The following ZBTB37 variants were observed in gnomAD, a reference collection of about 807,000 sequenced individuals.
The protein encoded by ZBTB37 is zinc finger and BTB domain-containing protein 37.
A neutral mutation model predicts 37.7 loss-of-function variants in ZBTB37; 15 were observed. The ratio of observed to expected loss-of-function variants is 0.40; its 90% CI spans 0.27 to 0.61. The LOEUF is 0.61. Ranked by LOEUF, ZBTB37 falls within the 20% of genes least tolerant of loss-of-function variation. The probability of loss-of-function intolerance (pLI) is 0.44; values close to 1 mark genes in which losing one functional copy is unlikely to be tolerated. For missense variants in ZBTB37, 514 were observed against 641.9 expected (o/e 0.80, Z 2.15); for synonymous variants, 231 against 220.6 (o/e 1.05, Z -0.42).
At chr1:173,870,984 G>C (rs1349261321) in exon 3 of ZBTB37, 1 of 1,614,108 alleles carries the variant, frequency 6.2e-7, no homozygotes, top group African/African-American at 1.3e-5. Context: ...TGGAGGAGTG[G>C]CTTGGGCCTG....
intron 4 of ZBTB37, among the ~76,000 whole-genome samples, chr1:173,878,009 A>G (rs888765336): frequency 2.6e-5 from 4 of 152,224 alleles, no homozygotes; most frequent in African/African-American, 7.2e-5. Context: ...TTTTAACCCA[A>G]CTTTTCCCAC....
At chr1:173,871,321 C>T in intron 3 of ZBTB37, among the ~76,000 whole-genome samples, 173 bp downstream of exon 3, 1 of 152,256 alleles carries the variant, frequency 6.6e-6, no homozygotes, top group Non-Finnish European at 1.5e-5. Context: ...TTTTTTAAAC[C>T]AGGAAGCTCC....
exon 5 of ZBTB37, chr1:173,886,420 G>T: frequency 2.8e-6 from 1 of 361,650 alleles, no homozygotes; most frequent in Non-Finnish European, 5.1e-6. Flanking sequence ...ACAAAACGAT[G>T]ATGATAAATG....
At chr1:173,882,241 T>C (rs1470397993) in intron 4 of ZBTB37, among the ~76,000 whole-genome samples, 3 of 132,188 alleles carry the variant, frequency 2.3e-5, no homozygotes, top group Admixed American at 1.5e-4. Context: ...TAGTTTCTTT[T>C]TTTTTTTTTT....
At chr1:173,878,934 CA>C (rs1463323070) in intron 4 of ZBTB37, among the ~76,000 whole-genome samples, 13 of 151,776 alleles carry the variant, frequency 8.6e-5, no homozygotes, top group African/African-American at 3.1e-4. Flanking sequence ...AATAAAAATA[CA>C]AAAACATTAG....
intron 4 of ZBTB37, among the ~76,000 whole-genome samples, chr1:173,885,163 A>C (rs1656554821): frequency 6.6e-6 from 1 of 152,168 alleles, no homozygotes; most frequent in Admixed American, 6.5e-5. Context: ...GATCCTGAGG[A>C]GGTCTAGGCT....
chr1:173,881,977 C>A (rs1046871182), intron 4 of ZBTB37, among the ~76,000 whole-genome samples: 6 of 151,528 alleles, frequency 4.0e-5, no homozygotes, highest in African/African-American at 1.5e-4. Context: ...TGGCGTGAAC[C>A]CGGGAGGCAG....
chr1:173,872,714 A>G (rs1040106054), intron 3 of ZBTB37, among the ~76,000 whole-genome samples: 5 of 152,146 alleles, frequency 3.3e-5, no homozygotes, highest in African/African-American at 1.2e-4. Context: ...AAACTATCAG[A>G]AGTAATATCA....
At chr1:173,873,527 T>G (rs745982810) in exon 4 of ZBTB37, 138 of 1,613,910 alleles carry the variant, frequency 8.6e-5, no homozygotes, top group Non-Finnish European at 1.1e-4. Context: ...GAAGTGAGTC[T>G]CCTGGGAGAA....
At chr1:173,890,692 G>C (rs1323792392), downstream of ZBTB37, 1 of 152,168 alleles carries the variant, frequency 6.6e-6, no homozygotes, top group Non-Finnish European at 1.5e-5. Context: ...ATTAGATCAG[G>C]GTTCAGCAAA....
chr1:173,898,691 T>C (rs902539899), exon 4 of ZBTB37: 1 of 152,212 alleles, frequency 6.6e-6, no homozygotes, highest in Non-Finnish European at 1.5e-5. Context: ...GTTGTTTCAA[T>C]AGTAATATGC....
intron 4 of ZBTB37, among the ~76,000 whole-genome samples, chr1:173,878,429 G>A (rs1656102840): frequency 6.6e-6 from 1 of 152,260 alleles, no homozygotes. Context: ...GAAAGGAGAA[G>A]GGAAGGAAGG....
intron 4 of ZBTB37, among the ~76,000 whole-genome samples, chr1:173,880,808 G>C (rs1458911896): frequency 1.3e-5 from 2 of 152,230 alleles, no homozygotes; most frequent in African/African-American, 4.8e-5. Flanking sequence ...CTTCACTGCA[G>C]TAATTTTTTG....
At chr1:173,873,109 A>G (rs1655683766) in intron 3 of ZBTB37, among the ~76,000 whole-genome samples, 1 of 152,222 alleles carries the variant, frequency 6.6e-6, no homozygotes, top group South Asian at 2.1e-4. Context: ...ACCTTGGGGA[A>G]GAAACAGCCA....
At chr1:173,890,415 T>G (rs907930069), downstream of ZBTB37, 3 of 152,204 alleles carry the variant, frequency 2.0e-5, no homozygotes, top group Non-Finnish European at 4.4e-5. Context: ...TTTCTTTTTT[T>G]CAGGTACAAG....
downstream of ZBTB37, chr1:173,891,532 A>C (rs1296317589): frequency 2.6e-5 from 4 of 152,212 alleles, no homozygotes; most frequent in Non-Finnish European, 4.4e-5. Context: ...ATATTGGACC[A>C]TTAACATGTT....
chr1:173,875,471 G>A (rs1345533314), intron 4 of ZBTB37, among the ~76,000 whole-genome samples: 2 of 150,848 alleles, frequency 1.3e-5, no homozygotes, highest in Non-Finnish European at 3.0e-5. Context: ...GATTACAGGC[G>A]CCCGCCAGCA....
At chr1:173,871,715 T>G (rs527713350) in intron 3 of ZBTB37, among the ~76,000 whole-genome samples, 1 of 152,368 alleles carries the variant, frequency 6.6e-6, no homozygotes, top group East Asian at 1.9e-4. Flanking sequence ...GTATCTTCCC[T>G]GTTTTCTTTC....
chr1:173,873,258 T>C (rs1297442047), intron 3 of ZBTB37, among the ~76,000 whole-genome samples: 1 of 152,236 alleles, frequency 6.6e-6, no homozygotes, highest in Non-Finnish European at 1.5e-5. Context: ...CTATCTGTTA[T>C]GTCATTTTGT....
Sources: gnomAD v4.1 joint callset for allele counts (sites outside exome capture counted in the v4.1 genomes callset) on GRCh38, gnomAD v4.1.1 for gene constraint, MANE v1.5 for transcripts, NCBI Gene and HGNC (gene_info 2026-07-23, HGNC 2026-07-21) for gene names.